The following DAB1 variants were observed in gnomAD, a reference collection of about 807,000 sequenced individuals.
DAB1 encodes DAB adaptor protein 1.
Under a neutral mutation model 64.6 loss-of-function variants are expected in DAB1, and 15 were observed. The ratio of observed to expected loss-of-function variants is 0.23; its 90% CI spans 0.16 to 0.36. The LOEUF (loss-of-function observed/expected upper bound fraction) is 0.36. DAB1 is among the 10% of genes least tolerant of loss of function. The pLI is 1.00. For synonymous variants in DAB1, 235 were observed against 251.9 expected (o/e 0.93, Z 0.64); for missense variants, 596 against 706.7 (o/e 0.84, Z 1.78).
At chr1:57,784,817 C>T (rs1650264775) in intron 6 of DAB1, among the ~76,000 whole-genome samples, 1 of 152,142 alleles carries the variant, frequency 6.6e-6, no homozygotes, top group Non-Finnish European at 1.5e-5. Flanking sequence ...GCAAGTTATC[C>T]AGAAGATCTA....
intron 11 of DAB1, among the ~76,000 whole-genome samples, chr1:57,019,872 C>G (rs112005133): frequency 2.0e-5 from 3 of 152,310 alleles, no homozygotes; most frequent in Admixed American, 2.0e-4. Flanking sequence ...TTGTGATTTA[C>G]AGCCAGATGC....
At chr1:58,225,535 C>A (rs1282513109) in intron 4 of DAB1, among the ~76,000 whole-genome samples, 5 of 151,940 alleles carry the variant, frequency 3.3e-5, no homozygotes, top group African/African-American at 4.8e-5. Flanking sequence ...CGGCACTATT[C>A]ACAATAGCAA....
intron 6 of DAB1, among the ~76,000 whole-genome samples, chr1:57,793,425 G>C (rs1393886237): frequency 6.6e-6 from 1 of 152,190 alleles, no homozygotes; most frequent in Non-Finnish European, 1.5e-5. Context: ...TTGCATGGAA[G>C]TACCTAGAAA....
chr1:57,237,932 C>T (rs771342460), intron 2 of DAB1, among the ~76,000 whole-genome samples: 7 of 151,936 alleles, frequency 4.6e-5, no homozygotes, highest in East Asian at 3.9e-4. Context: ...AGGCAAAGAA[C>T]GAGAAAAGAC....
chr1:58,192,659 ATG>A (rs373347407), intron 4 of DAB1, among the ~76,000 whole-genome samples: 31 of 152,104 alleles, frequency 2.0e-4, no homozygotes, highest in African/African-American at 7.5e-4. Flanking sequence ...ATATGTATAT[ATG>A]TGTGTGTGTG....
At chr1:57,208,576 A>G (rs1489757407) in intron 2 of DAB1, among the ~76,000 whole-genome samples, 2 of 152,194 alleles carry the variant, frequency 1.3e-5, no homozygotes, top group Non-Finnish European at 2.9e-5. Flanking sequence ...TCTGTACCTC[A>G]ACCATCTCTG....
At chr1:57,119,119 T>G (rs1656410076) in intron 4 of DAB1, among the ~76,000 whole-genome samples, 1 of 152,176 alleles carries the variant, frequency 6.6e-6, no homozygotes, top group South Asian at 2.1e-4. Context: ...ATCTACAACT[T>G]TTCCAGTGAT....
chr1:57,546,851 T>C (rs903555931), intron 7 of DAB1, among the ~76,000 whole-genome samples: 2 of 152,220 alleles, frequency 1.3e-5, no homozygotes, highest in African/African-American at 2.4e-5. Flanking sequence ...TGACTGTATA[T>C]ATGTGTGTAT....
At chr1:57,903,778 T>C (rs1314180964) in intron 5 of DAB1, among the ~76,000 whole-genome samples, 1 of 152,178 alleles carries the variant, frequency 6.6e-6, no homozygotes, top group Non-Finnish European at 1.5e-5. Flanking sequence ...CTCAGAAGGA[T>C]GGTTTCAACC....
chr1:58,412,182 C>T (rs1644678426), intron 3 of DAB1, among the ~76,000 whole-genome samples: 1 of 152,174 alleles, frequency 6.6e-6, no homozygotes, highest in South Asian at 2.1e-4. Context: ...GACTGCCAGA[C>T]TGTCTTTCCA....
chr1:57,491,395 T>TC (rs1294330705), intron 7 of DAB1, among the ~76,000 whole-genome samples: 1 of 152,096 alleles, frequency 6.6e-6, no homozygotes, highest in African/African-American at 2.4e-5. Flanking sequence ...GCCACTGCAC[T>TC]CTAGCCTGGG....
chr1:57,315,561 GGT>G (rs1675122684), intron 1 of DAB1, among the ~76,000 whole-genome samples: 2 of 152,150 alleles, frequency 1.3e-5, no homozygotes, highest in African/African-American at 4.8e-5. Context: ...GGAGTGCAGT[GGT>G]GCGATCTCGG....
At chr1:58,505,243 A>G (rs1162967484) in intron 3 of DAB1, among the ~76,000 whole-genome samples, 1 of 152,188 alleles carries the variant, frequency 6.6e-6, no homozygotes, top group African/African-American at 2.4e-5. Flanking sequence ...TGAGAAAGAT[A>G]CTTCTATAAT....
At chr1:58,063,482 T>C (rs528943848) in intron 5 of DAB1, among the ~76,000 whole-genome samples, 1 of 152,226 alleles carries the variant, frequency 6.6e-6, no homozygotes, top group Non-Finnish European at 1.5e-5. Flanking sequence ...CCCCCACACT[T>C]GGCACAGACT....
At chr1:57,462,463 T>G (rs939536194) in intron 7 of DAB1, among the ~76,000 whole-genome samples, 1 of 152,170 alleles carries the variant, frequency 6.6e-6, no homozygotes, top group African/African-American at 2.4e-5. Flanking sequence ...ACAAATGAAG[T>G]GCATAAAACA....
rs566497527 is a variant in DAB1, at chr1:57,546,871, C to T, written n.625+102721G>A. Among the ~76,000 whole-genome samples the T allele has an allele frequency of 1.5e-4, 23 of 152,218 alleles. No individual in the cohort carries two copies. The East Asian group carries it at 4.4e-3, about 29-fold the overall frequency. ...GTATATATGTGTGTATATATATGCA[C>T]ATGGGCAGAATACAGAATGTAAGGA... On this transcript the variant is annotated intron_variant and non_coding_transcript_variant, in intron 7 of 20. Coordinates refer to the DAB1 transcript ENST00000485760.
At chr1:58,311,221 C>T (rs984345284) in intron 4 of DAB1, among the ~76,000 whole-genome samples, 3 of 152,158 alleles carry the variant, frequency 2.0e-5, no homozygotes, top group Admixed American at 1.3e-4. Flanking sequence ...CTGACCCCCT[C>T]ACTCTGTGCA....
chr1:57,102,991 T>C (rs1331097638), intron 4 of DAB1, among the ~76,000 whole-genome samples: 1 of 152,014 alleles, frequency 6.6e-6, no homozygotes, highest in East Asian at 1.9e-4. Flanking sequence ...AAACAGGAGA[T>C]GAAGGTCATT....
intron 6 of DAB1, among the ~76,000 whole-genome samples, chr1:57,745,436 G>T (rs1396907174): frequency 6.6e-6 from 1 of 152,034 alleles, no homozygotes; most frequent in Non-Finnish European, 1.5e-5. Flanking sequence ...ATTTCTGTGA[G>T]GATTGTTAAG....
Sources: allele counts gnomAD v4.1 joint callset (sites outside exome capture counted in the v4.1 genomes callset), GRCh38; gene constraint gnomAD v4.1.1; transcripts MANE v1.5; gene names NCBI Gene and HGNC (gene_info 2026-07-23, HGNC 2026-07-21).